Variants in TARP observed in about 807,000 individuals in gnomAD.
chr7:38,269,756 G>A, the TARP span, among the ~76,000 whole-genome samples: 52 of 152,100 alleles, frequency 3.4e-4, no homozygotes, highest in African/African-American at 8.2e-4. Flanking sequence ...ATCGCTACCA[G>A]CACTGAAGTG....
chr7:38,265,489 T>G, the TARP span: 1 of 1,612,244 alleles, frequency 6.2e-7, no homozygotes, highest in Admixed American at 1.7e-5. Flanking sequence ...GTCGTTAGTC[T>G]TCATGGTGTT....
At chr7:38,265,792 G>A in the TARP span, 2 of 795,294 alleles carry the variant, frequency 2.5e-6, no homozygotes, top group Admixed American at 4.7e-5. Context: ...CATTGAGCTG[G>A]TGTCCACTGC....
At chr7:38,271,071 C>G in the TARP span, among the ~76,000 whole-genome samples, 1 of 150,702 alleles carries the variant, frequency 6.6e-6, no homozygotes, top group East Asian at 1.9e-4. Context: ...TTTTCCTTCT[C>G]CTTTCCTTAG....
chr7:38,266,907 T>C, the TARP span, among the ~76,000 whole-genome samples: 1 of 152,024 alleles, frequency 6.6e-6, no homozygotes, highest in African/African-American at 2.4e-5. Flanking sequence ...AGAAATACTC[T>C]TGTGTTAATC....
At chr7:38,265,520 T>G in the TARP span, 1 of 1,612,246 alleles carries the variant, frequency 6.2e-7, no homozygotes, top group South Asian at 1.1e-5. Flanking sequence ...GATCCCAGAA[T>G]CGTGTTGCTC....
the TARP span, among the ~76,000 whole-genome samples, chr7:38,263,834 A>G: frequency 2.0e-5 from 3 of 151,654 alleles, no homozygotes; most frequent in Non-Finnish European, 4.4e-5. Context: ...AAAAACTTGG[A>G]CTTGAGGTAT....
chr7:38,263,828 A>T, the TARP span, among the ~76,000 whole-genome samples: 1 of 144,464 alleles, frequency 6.9e-6, no homozygotes, highest in Non-Finnish European at 1.5e-5. Context: ...AATTCTAAAA[A>T]CTTGGACTTG....
At chr7:38,267,223 G>C in the TARP span, among the ~76,000 whole-genome samples, 1 of 151,452 alleles carries the variant, frequency 6.6e-6, no homozygotes, top group Non-Finnish European at 1.5e-5. Flanking sequence ...ACATATAATT[G>C]CTCTATTAAA....
the TARP span, among the ~76,000 whole-genome samples, chr7:38,261,020 A>G: frequency 6.6e-6 from 1 of 151,956 alleles, no homozygotes; most frequent in African/African-American, 2.4e-5. Flanking sequence ...TATGCCAGAC[A>G]TCTCACATTC....
the TARP span, among the ~76,000 whole-genome samples, chr7:38,266,571 G>A: frequency 6.6e-6 from 1 of 151,834 alleles, no homozygotes; most frequent in African/African-American, 2.4e-5. Context: ...CAAATCCTGG[G>A]ATTATAGGTG....
the TARP span, among the ~76,000 whole-genome samples, chr7:38,262,831 G>C: frequency 2.0e-5 from 3 of 151,198 alleles, no homozygotes; most frequent in African/African-American, 7.3e-5. Flanking sequence ...GCTAATGTTT[G>C]TATTTTTTGT....
the TARP span, among the ~76,000 whole-genome samples, chr7:38,263,533 G>A: frequency 6.6e-6 from 1 of 151,182 alleles, no homozygotes; most frequent in Non-Finnish European, 1.5e-5. Context: ...TTTATTACAG[G>A]AGCTCAGATT....
the TARP span, among the ~76,000 whole-genome samples, chr7:38,261,637 G>A: frequency 5.9e-5 from 9 of 151,536 alleles, no homozygotes; most frequent in Non-Finnish European, 1.0e-4. Context: ...CAGTTCGGGA[G>A]GGCGAGGGGG....
At chr7:38,266,592 T>G in the TARP span, among the ~76,000 whole-genome samples, 1 of 151,874 alleles carries the variant, frequency 6.6e-6, no homozygotes, top group East Asian at 1.9e-4. Context: ...TGAGCCACCA[T>G]GCCTAGCCAT....
At chr7:38,269,255 T>C in the TARP span, among the ~76,000 whole-genome samples, 2 of 151,868 alleles carry the variant, frequency 1.3e-5, no homozygotes, top group Non-Finnish European at 2.9e-5. Context: ...ACATTACATA[T>C]GAGCCCTTTA....
the TARP span, among the ~76,000 whole-genome samples, chr7:38,262,865 C>T: frequency 4.6e-5 from 7 of 150,808 alleles, no homozygotes; most frequent in Non-Finnish European, 7.4e-5. Flanking sequence ...CGCCATGTTG[C>T]GCAGGCTGGT....
chr7:38,269,903 C>T, the TARP span, among the ~76,000 whole-genome samples: 1 of 151,866 alleles, frequency 6.6e-6, no homozygotes, highest in African/African-American at 2.4e-5. Context: ...ATTTTGAGGC[C>T]AGCCTGGGCA....
At chr7:38,269,091 C>T in the TARP span, among the ~76,000 whole-genome samples, 2 of 151,864 alleles carry the variant, frequency 1.3e-5, no homozygotes, top group African/African-American at 4.8e-5. Context: ...TCCAGGTGGA[C>T]CTGACTCCAA....
At chr7:38,268,169 A>T in the TARP span, among the ~76,000 whole-genome samples, 1 of 151,442 alleles carries the variant, frequency 6.6e-6, no homozygotes, top group Non-Finnish European at 1.5e-5. Context: ...ATTTTTACTT[A>T]CTTCAATAAC....
Sources: allele counts gnomAD v4.1 joint callset (sites outside exome capture counted in the v4.1 genomes callset), GRCh38; gene constraint gnomAD v4.1.1; transcripts MANE v1.5.